Variants in SPECC1L observed in about 807,000 individuals in gnomAD.
The protein encoded by SPECC1L is cytospin-A.
A neutral mutation model predicts 116.8 loss-of-function variants in SPECC1L; 40 were observed. That is an observed-to-expected ratio of 0.34 (90% CI 0.27 to 0.45). The LOEUF is 0.45. Ranked by LOEUF, SPECC1L falls within the 20% of genes least tolerant of loss-of-function variation. The probability of loss-of-function intolerance (pLI) is 1.00; values close to 1 mark genes in which losing one functional copy is unlikely to be tolerated. For missense variants in SPECC1L, 1,110 were observed against 1,373.6 expected, an observed-to-expected ratio of 0.81 and a Z score of 3.03; for synonymous variants, 504 against 500.6, an observed-to-expected ratio of 1.01 and a Z score of -0.09.
chr22:24,311,615 G>T (rs777940252), intron 3 of SPECC1L, among the ~76,000 whole-genome samples: 4 of 152,114 alleles, frequency 2.6e-5, no homozygotes, highest in Admixed American at 6.5e-5. Context: ...GACCAGCCTG[G>T]CCAACGTGGG....
chr22:24,382,704 C>CAAAA (rs34174849), intron 14 of SPECC1L, among the ~76,000 whole-genome samples: 13 of 59,624 alleles, frequency 2.2e-4, no homozygotes, highest in African/African-American at 5.3e-4. Context: ...GACTCCATCT[C>CAAAA]AAAAAAAAAA....
chr22:24,362,348 G>A (rs949371958), intron 11 of SPECC1L, among the ~76,000 whole-genome samples: 1 of 152,104 alleles, frequency 6.6e-6, no homozygotes, highest in African/African-American at 2.4e-5. Flanking sequence ...AGGAGGTGAG[G>A]GGACAGCTGG....
At chr22:24,271,616 A>C (rs1480291100) in intron 1 of SPECC1L, among the ~76,000 whole-genome samples, 1 of 152,256 alleles carries the variant, frequency 6.6e-6, no homozygotes, top group Non-Finnish European at 1.5e-5. Flanking sequence ...TATTACCTTA[A>C]GTAGTTAAGT....
Position 24,324,319 on chromosome 22 carries a change from G to C in SPECC1L, c.2038G>C (p.Glu680Gln), listed in dbSNP as rs1425639059. The change falls in exon 6 of 17, where the codon GAA (glutamate) becomes CAA (glutamine). Residue 680 changes from glutamate to glutamine, a missense_variant. Physicochemically the swap from Glu to Gln is conservative, Grantham distance 29. Transcript: ENST00000314328. ...ATTAAGATCAGACCTGGATGAAAAA[G>C]AAACAGAAAGGAGTGACATGAAAGA... ...EKLRSDLDEK[E>Q]TERSDMKETI... is the part of the protein sequence containing the mutation. The C allele has an allele frequency of 6.2e-7, 1 of 1,614,062 alleles. No individual in the cohort carries two copies. Among genetic ancestry groups the C allele is most frequent in the South Asian group, 1.1e-5 (1 of 91,086 alleles).
chr22:24,368,633 A>T (rs556376333), intron 13 of SPECC1L, among the ~76,000 whole-genome samples: 3 of 152,274 alleles, frequency 2.0e-5, no homozygotes, highest in African/African-American at 7.2e-5. Context: ...GGTAAAGGAC[A>T]TAAACGGTTA....
chr22:24,327,268 A>G (rs552573733), intron 6 of SPECC1L, among the ~76,000 whole-genome samples: 7 of 116,438 alleles, frequency 6.0e-5, no homozygotes, highest in African/African-American at 2.3e-4. Flanking sequence ...ACAGATTGAG[A>G]CTCCGTCTCA....
At chr22:24,384,286 C>T (rs1038627689) in intron 14 of SPECC1L, among the ~76,000 whole-genome samples, 29 of 152,140 alleles carry the variant, frequency 1.9e-4, no homozygotes, top group African/African-American at 7.0e-4. Context: ...GGATCAACAG[C>T]CGATTTCTCA....
intron 2 of SPECC1L, among the ~76,000 whole-genome samples, chr22:24,277,235 T>G (rs954655151): frequency 1.3e-5 from 2 of 152,222 alleles, no homozygotes; most frequent in African/African-American, 4.8e-5. Context: ...ATTTTTTGTC[T>G]TCTTCTACCT....
At chr22:24,339,192 C>T (rs1164107614) in intron 10 of SPECC1L, among the ~76,000 whole-genome samples, 2 of 152,186 alleles carry the variant, frequency 1.3e-5, no homozygotes, top group Non-Finnish European at 2.9e-5. Context: ...GGCTCCTTCA[C>T]AGCATGGTTA....
At chr22:24,283,792 G>A (rs190789828) in intron 2 of SPECC1L, among the ~76,000 whole-genome samples, 160 of 152,252 alleles carry the variant, frequency 1.1e-3, no homozygotes, top group African/African-American at 3.8e-3. Context: ...TTTGAGCTTC[G>A]ATAGTTTGTC....
At chr22:24,310,332 A>G (rs1015084499) in intron 3 of SPECC1L, among the ~76,000 whole-genome samples, 1 of 152,224 alleles carries the variant, frequency 6.6e-6, no homozygotes, top group Non-Finnish European at 1.5e-5. Context: ...CCATGTGCAT[A>G]TGTATTTTTG....
intron 1 of SPECC1L, among the ~76,000 whole-genome samples, chr22:24,273,968 G>T (rs2048781976): frequency 1.3e-5 from 2 of 152,328 alleles, no homozygotes; most frequent in South Asian, 4.2e-4. Context: ...ATGTTGGTCA[G>T]GCTGGTCTGG....
intron 2 of SPECC1L, among the ~76,000 whole-genome samples, chr22:24,295,253 A>T (rs927282580): frequency 2.0e-5 from 3 of 151,180 alleles, no homozygotes; most frequent in Non-Finnish European, 4.4e-5. Context: ...ATATTTTAAT[A>T]TTAAATTATG....
chr22:24,334,500 A>G lies in SPECC1L; in HGVS notation c.2487A>G (p.Arg829=). 1 of 1,614,162 alleles carries G rather than the reference A, an allele frequency of 6.2e-7. No homozygotes were observed. The highest frequency in any genetic ancestry group is 1.3e-5 in the African/African-American group (1 of 75,036). ...TAAGGCAGGGAATGGGACTGAGTAGAAGGTCCTCGACTTCCTCAGAGCCAA... is the reference window on the plus strand; with the variant it reads ...TAAGGCAGGGAATGGGACTGAGTAGGAGGTCCTCGACTTCCTCAGAGCCAA... ...AALRQGMGLS[R]RSSTSSEPTP... Residue 829 remains arginine, a synonymous_variant, in exon 9 of 17, where the codon AGA becomes AGG. Transcript: ENST00000314328.
At chr22:24,359,554 C>T (rs566836496) in intron 11 of SPECC1L, among the ~76,000 whole-genome samples, 1 of 152,122 alleles carries the variant, frequency 6.6e-6, no homozygotes. Flanking sequence ...GCCCTTGAAT[C>T]TGTGTCCCTC....
chr22:24,283,739 A>G (rs1447483398), intron 2 of SPECC1L, among the ~76,000 whole-genome samples: 1 of 152,182 alleles, frequency 6.6e-6, no homozygotes, highest in Admixed American at 6.5e-5. Flanking sequence ...TACAAATCCA[A>G]TTTCTTCAAT....
intron 9 of SPECC1L, among the ~76,000 whole-genome samples, chr22:24,337,711 T>G (rs2041088888): frequency 6.6e-6 from 1 of 152,226 alleles, no homozygotes; most frequent in African/African-American, 2.4e-5. Flanking sequence ...CACTGTGTGT[T>G]TGTATCCCAT....
chr22:24,331,522 C>G (rs531391256), intron 8 of SPECC1L, among the ~76,000 whole-genome samples: 12 of 152,268 alleles, frequency 7.9e-5, no homozygotes, highest in African/African-American at 2.9e-4. Context: ...GTTAAAGTTT[C>G]ATTCCTTTGG....
intron 13 of SPECC1L, among the ~76,000 whole-genome samples, chr22:24,368,054 C>T (rs556299254): frequency 2.0e-4 from 30 of 152,324 alleles, no homozygotes; most frequent in African/African-American, 7.0e-4. Context: ...GTCTTCCCTG[C>T]CCCTTCACCA....
Sources: gnomAD v4.1 joint callset for allele counts (sites outside exome capture counted in the v4.1 genomes callset) on GRCh38, gnomAD v4.1.1 for gene constraint, MANE v1.5 for transcripts, NCBI Gene and HGNC (gene_info 2026-07-23, HGNC 2026-07-21) for gene names.